Variants in COG5 observed in about 807,000 individuals in gnomAD.
COG5 encodes conserved oligomeric Golgi complex subunit 5.
In COG5, 86 loss-of-function variants were observed where a neutral mutation model predicts 110.4. The ratio of observed to expected loss-of-function variants is 0.78; its 90% CI spans 0.65 to 0.93. The LOEUF is 0.93. Ranked by LOEUF, COG5 falls within the 40% of genes least tolerant of loss-of-function variation. The probability of loss-of-function intolerance (pLI) is 0.00; values close to 1 mark genes in which losing one functional copy is unlikely to be tolerated. For synonymous variants in COG5, 360 were observed against 334.6 expected, an observed-to-expected ratio of 1.08 and a Z score of -0.83; for missense variants, 1,077 against 987.0, an observed-to-expected ratio of 1.09 and a Z score of -1.22.
chr7:107,369,612 C>T (rs1357071480), intron 8 of COG5, among the ~76,000 whole-genome samples: 1 of 152,130 alleles, frequency 6.6e-6, no homozygotes, highest in South Asian at 2.1e-4. Context: ...TGGTCTCAAA[C>T]TCTTGACCTC....
chr7:107,233,620 G>A (rs2237662), intron 18 of COG5, among the ~76,000 whole-genome samples: 21 of 152,128 alleles, frequency 1.4e-4, no homozygotes, highest in Non-Finnish European at 7.4e-5. Context: ...AGCTCTTTTT[G>A]TTATTTATGC....
At chr7:107,272,319 T>C (rs1804344552) in intron 14 of COG5, among the ~76,000 whole-genome samples, 1 of 152,220 alleles carries the variant, frequency 6.6e-6, no homozygotes, top group Admixed American at 6.5e-5. Flanking sequence ...TATCTACCTG[T>C]GATCTGGAAG....
chr7:107,275,630 A>C (rs1285611546), intron 14 of COG5, among the ~76,000 whole-genome samples: 1 of 152,050 alleles, frequency 6.6e-6, no homozygotes, highest in Non-Finnish European at 1.5e-5. Flanking sequence ...AGCTAAGCTC[A>C]CTGCAACCTC....
At chr7:107,207,890 A>G (rs1798891494) in intron 21 of COG5, 4 of 985,432 alleles carry the variant, frequency 4.1e-6, no homozygotes, top group Non-Finnish European at 3.6e-6. Context: ...TAGTTACACT[A>G]TCCTCAATTT....
At chr7:107,215,899 T>TGGGGG (rs890894423) in intron 19 of COG5, among the ~76,000 whole-genome samples, 1 of 151,788 alleles carries the variant, frequency 6.6e-6, no homozygotes, top group African/African-American at 2.4e-5. Context: ...TTAGTAGAGA[T>TGGGGG]GGGGTTTCAC....
chr7:107,370,802 T>TTATATATATA (rs769651624), intron 8 of COG5, among the ~76,000 whole-genome samples: 14 of 143,402 alleles, frequency 9.8e-5, no homozygotes, highest in East Asian at 6.0e-4. Flanking sequence ...AAAAAAAAAT[T>TTATATATATA]TATATATATA....
chr7:107,395,545 T>C (rs1208064003), intron 7 of COG5, among the ~76,000 whole-genome samples: 1 of 131,600 alleles, frequency 7.6e-6, no homozygotes, highest in Non-Finnish European at 1.6e-5. Flanking sequence ...GCAGATCTTT[T>C]TTTTTTTTTT....
chr7:107,222,541 T>C (rs1175795298), intron 19 of COG5, among the ~76,000 whole-genome samples: 1 of 152,158 alleles, frequency 6.6e-6, no homozygotes, highest in Non-Finnish European at 1.5e-5. Context: ...AAAAAATCCA[T>C]GAAAAGCAAA....
chr7:107,428,325 C>T (rs1381647535), intron 6 of COG5, among the ~76,000 whole-genome samples: 1 of 152,080 alleles, frequency 6.6e-6, no homozygotes, highest in East Asian at 1.9e-4. Context: ...AGGGTGGCCC[C>T]TAATCCAATG....
chr7:107,490,789 C>T (rs1047971187), intron 6 of COG5, among the ~76,000 whole-genome samples: 1 of 152,028 alleles, frequency 6.6e-6, no homozygotes, highest in African/African-American at 2.4e-5. Flanking sequence ...GTTTCAAAGC[C>T]TATTCTTTCT....
Position 107,546,305 on chromosome 7 carries a change from G to C in COG5, c.417+1806C>G, listed in dbSNP as rs1032892921. Among the ~76,000 whole-genome samples the C allele has an allele frequency of 4.6e-5, 7 of 150,642 alleles. No homozygotes were observed. In the East Asian group the frequency reaches 1.4e-3, roughly 29 times the overall value. On this transcript the variant is annotated intron_variant, in intron 5 of 21. Coordinates refer to ENST00000297135, the MANE Select transcript of COG5 (RefSeq NM_006348.5). ...ACCTAGTATTAAACCTCAAGAACTA[G>C]AAAAAGAACAAACAAAGCCCAAAGT...
intron 6 of COG5, among the ~76,000 whole-genome samples, chr7:107,520,224 G>C (rs1800228475): frequency 6.6e-6 from 1 of 152,148 alleles, no homozygotes. Flanking sequence ...CATTCCCTTT[G>C]AAAACAGGCA....
intron 5 of COG5, among the ~76,000 whole-genome samples, chr7:107,532,003 C>T (rs892630126): frequency 6.6e-6 from 1 of 152,144 alleles, no homozygotes; most frequent in Admixed American, 6.6e-5. Flanking sequence ...TGCCCCAGAC[C>T]TGGAATCAAA....
chr7:107,410,841 G>C (rs1190350915), intron 7 of COG5, among the ~76,000 whole-genome samples: 2 of 152,182 alleles, frequency 1.3e-5, no homozygotes, highest in Non-Finnish European at 2.9e-5. Flanking sequence ...CAAAGGAAGA[G>C]ACACTGGAGA....
chr7:107,479,481 G>C (rs1328772855), intron 6 of COG5, among the ~76,000 whole-genome samples: 3 of 152,150 alleles, frequency 2.0e-5, no homozygotes, highest in Non-Finnish European at 4.4e-5. Flanking sequence ...CTGGCAAAAA[G>C]TGATGGCACT....
intron 8 of COG5, 40 bp downstream of exon 8, chr7:107,372,555 A>C: frequency 2.5e-6 from 4 of 1,595,882 alleles, no homozygotes; most frequent in Non-Finnish European, 3.4e-6. Context: ...CTTCTCAGTT[A>C]TAAATAAATA....
chr7:107,236,342 T>G (rs149820570), intron 18 of COG5, 108 bp downstream of exon 18: 1 of 859,234 alleles, frequency 1.2e-6, no homozygotes, highest in African/African-American at 1.7e-5. Context: ...GGCTTACTTT[T>G]CTTTGTGCTG....
intron 6 of COG5, among the ~76,000 whole-genome samples, chr7:107,511,365 T>C (rs1345311269): frequency 6.6e-6 from 1 of 152,298 alleles, no homozygotes; most frequent in East Asian, 1.9e-4. Flanking sequence ...AATCTCTGAA[T>C]AGACCAATAA....
intron 8 of COG5, among the ~76,000 whole-genome samples, chr7:107,365,933 C>T (rs73187350): frequency 0.092 from 13,936 of 152,104 alleles, 777 homozygotes; most frequent in African/African-American, 0.15. Flanking sequence ...GCCATGCCTA[C>T]ACTATTCTTC....
Sources: allele counts gnomAD v4.1 joint callset (sites outside exome capture counted in the v4.1 genomes callset), GRCh38; gene constraint gnomAD v4.1.1; transcripts MANE v1.5; gene names NCBI Gene and HGNC (gene_info 2026-07-23, HGNC 2026-07-21).